Variants in TMEM232 observed in about 807,000 individuals in gnomAD.
TMEM232 encodes transmembrane protein 232.
In TMEM232, 80 loss-of-function variants were observed where a neutral mutation model predicts 78.8. The ratio of observed to expected loss-of-function variants is 1.01; its 90% CI spans 0.85 to 1.22. The LOEUF (loss-of-function observed/expected upper bound fraction) is 1.22, where lower values mean the gene tolerates loss of function less well. Ranked by LOEUF, TMEM232 falls within the 50% of genes most tolerant of loss-of-function variation. The probability of loss-of-function intolerance (pLI) is 0.00; values close to 1 mark genes in which losing one functional copy is unlikely to be tolerated. For synonymous variants in TMEM232, 297 were observed against 254.3 expected, an observed-to-expected ratio of 1.17 and a Z score of -1.60; for missense variants, 881 against 742.2, an observed-to-expected ratio of 1.19 and a Z score of -2.17.
chr5:110,710,533 A>G (rs937471298), intron 1 of TMEM232, among the ~76,000 whole-genome samples: 1 of 152,196 alleles, frequency 6.6e-6, no homozygotes, highest in Non-Finnish European at 1.5e-5. Context: ...ATACATTAGA[A>G]AGATTATTCA....
intron 1 of TMEM232, among the ~76,000 whole-genome samples, chr5:110,737,002 T>TAAAAAAAAAA (rs5870418): frequency 7.4e-6 from 1 of 134,686 alleles, no homozygotes; most frequent in Non-Finnish European, 1.6e-5. Flanking sequence ...TTCCTTATTC[T>TAAAAAAAAAA]AAAAAAAAAA....
chr5:110,516,605 A>T (rs1471053631), intron 12 of TMEM232, among the ~76,000 whole-genome samples: 13 of 150,660 alleles, frequency 8.6e-5, no homozygotes, highest in East Asian at 1.9e-4. Context: ...TCATATTTTT[A>T]AAAAAATGCT....
intron 5 of TMEM232, among the ~76,000 whole-genome samples, chr5:110,628,657 T>A (rs1436610812): frequency 1.4e-5 from 2 of 139,130 alleles, no homozygotes; most frequent in Non-Finnish European, 3.0e-5. Flanking sequence ...TAGCTGTCAG[T>A]ATCCAGTGTG....
At chr5:110,541,178 A>G (rs1254128054) in intron 11 of TMEM232, among the ~76,000 whole-genome samples, 2 of 152,172 alleles carry the variant, frequency 1.3e-5, no homozygotes, top group African/African-American at 2.4e-5. Context: ...TACCTTGGCC[A>G]TGGTTAACAG....
chr5:110,678,678 C>G (rs997791272), intron 1 of TMEM232, among the ~76,000 whole-genome samples: 5 of 151,902 alleles, frequency 3.3e-5, no homozygotes, highest in Admixed American at 3.3e-4. Flanking sequence ...GTCTATTCAT[C>G]AGCCCCAGCA....
intron 12 of TMEM232, among the ~76,000 whole-genome samples, chr5:110,502,483 A>C (rs1394685914): frequency 6.6e-6 from 1 of 152,220 alleles, no homozygotes; most frequent in Non-Finnish European, 1.5e-5. Context: ...GGAATAAAAG[A>C]AACATCAGTT....
chr5:110,630,537 T>C (rs528789268), intron 5 of TMEM232, among the ~76,000 whole-genome samples: 4 of 152,196 alleles, frequency 2.6e-5, no homozygotes, highest in Middle Eastern at 3.4e-3. Flanking sequence ...GAATTCTGGT[T>C]GTATGTTGTG....
intron 5 of TMEM232, among the ~76,000 whole-genome samples, chr5:110,633,389 A>G (rs1220585362): frequency 1.3e-5 from 2 of 152,156 alleles, no homozygotes; most frequent in Non-Finnish European, 2.9e-5. Context: ...GGGACAAACA[A>G]CAAGAGGAAA....
intron 7 of TMEM232, among the ~76,000 whole-genome samples, chr5:110,621,677 C>T (rs1783770805): frequency 6.6e-6 from 1 of 151,722 alleles, no homozygotes; most frequent in Admixed American, 6.6e-5. Context: ...CTTTTTTCCC[C>T]TCCCTTTCTT....
chr5:110,420,839 A>T, intron 13 of TMEM232, 83 bp from the exon 14 acceptor site: 1 of 1,448,676 alleles, frequency 6.9e-7, no homozygotes, highest in Non-Finnish European at 9.0e-7. Flanking sequence ...GCAGATTCTT[A>T]TATCCAATTA....
At chr5:110,606,723 C>T (rs1015905970) in intron 8 of TMEM232, among the ~76,000 whole-genome samples, 5 of 151,824 alleles carry the variant, frequency 3.3e-5, no homozygotes, top group African/African-American at 1.2e-4. Context: ...TAAGATACTC[C>T]AAAGATTCAA....
At chr5:110,520,063 A>G (rs1769279865) in intron 12 of TMEM232, among the ~76,000 whole-genome samples, 2 of 150,896 alleles carry the variant, frequency 1.3e-5, no homozygotes, top group African/African-American at 4.9e-5. Flanking sequence ...AGAGAGAGAG[A>G]GAGAGGATTA....
intron 1 of TMEM232, among the ~76,000 whole-genome samples, chr5:110,700,209 T>G (rs1223823374): frequency 6.6e-6 from 1 of 152,026 alleles, no homozygotes; most frequent in Non-Finnish European, 1.5e-5. Flanking sequence ...CAGGACCAAA[T>G]GAAACTATGC....
At chr5:110,456,677 T>C (rs550846705) in intron 12 of TMEM232, among the ~76,000 whole-genome samples, 1 of 152,186 alleles carries the variant, frequency 6.6e-6, no homozygotes, top group South Asian at 2.1e-4. Context: ...AGACAGACAA[T>C]TAGATCAATG....
Position 110,420,769 on chromosome 5 carries a change from G to A in TMEM232, c.1798-13C>T. The A allele has an allele frequency of 1.3e-6, 2 of 1,496,054 alleles. No individual in the cohort carries two copies. Among genetic ancestry groups the A allele is most frequent in the Non-Finnish European group, 1.8e-6 (2 of 1,134,244 alleles). 92.7% of individuals were successfully genotyped at this position (1,496,054 alleles called of 1,614,324 possible). On this transcript the variant is annotated splice_polypyrimidine_tract_variant and intron_variant, in intron 13 of 13. Coordinates refer to ENST00000455884, the MANE Select transcript of TMEM232 (RefSeq NM_001039763.4). Reference sequence around the variant, plus strand: ...GCTCTTCCTGCCACTGTTACAGAGAGAAAACGTCATTCACATGATTTTCCA... The same window carrying A: ...GCTCTTCCTGCCACTGTTACAGAGAAAAAACGTCATTCACATGATTTTCCA...
Position 110,602,098 on chromosome 5 carries a change from G to A in TMEM232, c.1276+3011C>T, listed in dbSNP as rs533181697. Among the ~76,000 whole-genome samples the A allele has an allele frequency of 9.6e-4, 146 of 152,276 alleles. 1 individual carries two copies. Among genetic ancestry groups the A allele is most frequent in the Admixed American group, 1.8e-3 (28 of 15,288 alleles). ...TGGGAAAACTGGCTAGCCGTATGCA[G>A]AAAAGTGAAACTGGACCCCTTACTT... On this transcript the variant is annotated intron_variant, in intron 10 of 13. Transcript: ENST00000455884.
rs540186308 is a variant in TMEM232 at position 110,557,006 on chromosome 5, C to G, written c.1455+11441G>C. On this transcript the variant is annotated intron_variant, in intron 11 of 13. Coordinates refer to ENST00000455884, the MANE Select transcript of TMEM232 (RefSeq NM_001039763.4). ...TTTGTCTCCCTCTCTTTCAGGGATG[C>G]CAATAAGTCATAGATTTGTTCTCTT... is the stretch of plus-strand genomic sequence containing the variant. Among the ~76,000 whole-genome samples, 5 of 152,232 alleles carry G rather than the reference C, an allele frequency of 3.3e-5. No individual in the cohort carries two copies. The South Asian group carries it at 1.0e-3, about 32-fold the overall frequency.
intron 12 of TMEM232, among the ~76,000 whole-genome samples, chr5:110,499,462 G>A (rs1765985781): frequency 6.6e-6 from 1 of 151,980 alleles, no homozygotes; most frequent in African/African-American, 2.4e-5. Flanking sequence ...TTGCTATGTT[G>A]CCAGGCTGGT....
At chr5:110,406,269 C>T (rs35545771) in intron 2 of TMEM232, among the ~76,000 whole-genome samples, 11,334 of 106,220 alleles carry the variant, frequency 0.11, 885 homozygotes, top group African/African-American at 0.39. Context: ...TATATATACA[C>T]ACACACACAC....
Sources: gnomAD v4.1 joint callset for allele counts (sites outside exome capture counted in the v4.1 genomes callset) on GRCh38, gnomAD v4.1.1 for gene constraint, MANE v1.5 for transcripts, NCBI Gene and HGNC (gene_info 2026-07-23, HGNC 2026-07-21) for gene names.